Variants in SLC35F1 observed in about 807,000 individuals in gnomAD.
SLC35F1 encodes the protein chromosome 6 open reading frame 169.
SLC35F1 carries 14 observed loss-of-function variants against 48.7 expected under a neutral mutation model. The ratio of observed to expected loss-of-function variants is 0.29; its 90% CI spans 0.19 to 0.45. The LOEUF is 0.45. Among genes scored for constraint, SLC35F1 ranks in the 20% least tolerant of loss-of-function variants. SLC35F1 has a pLI of 1.00. For synonymous variants in SLC35F1, 190 were observed against 202.2 expected (o/e 0.94, Z 0.51); for missense variants, 404 against 500.0 (o/e 0.81, Z 1.83).
chr6:117,956,979 A>G (rs1776435970), intron 1 of SLC35F1, among the ~76,000 whole-genome samples: 1 of 152,224 alleles, frequency 6.6e-6, no homozygotes. Context: ...ACTTTGGTCC[A>G]TGGAGCAATA....
chr6:118,201,162 C>T (rs1293508065), intron 2 of SLC35F1, among the ~76,000 whole-genome samples: 1 of 152,120 alleles, frequency 6.6e-6, no homozygotes, highest in Non-Finnish European at 1.5e-5. Flanking sequence ...ATTCTATTGG[C>T]AGAGGGGGTG....
At chr6:118,294,592 T>C (rs1776161593) in intron 7 of SLC35F1, among the ~76,000 whole-genome samples, 1 of 152,216 alleles carries the variant, frequency 6.6e-6, no homozygotes, top group African/African-American at 2.4e-5. Context: ...CATGTTATTT[T>C]CGTAACTTTA....
intron 1 of SLC35F1, among the ~76,000 whole-genome samples, chr6:118,050,336 G>A (rs1314501140): frequency 1.3e-5 from 2 of 150,872 alleles, no homozygotes; most frequent in Non-Finnish European, 1.5e-5. Context: ...TGCACATTGT[G>A]CGCATGTACC....
At chr6:118,150,138 G>A (rs983845058) in intron 1 of SLC35F1, among the ~76,000 whole-genome samples, 4 of 152,096 alleles carry the variant, frequency 2.6e-5, no homozygotes, top group African/African-American at 7.2e-5. Flanking sequence ...CTATAAAATC[G>A]AACAGTAATA....
Position 117,958,699 on chromosome 6 carries a change from G to A in SLC35F1, c.173+50800G>A, listed in dbSNP as rs111251771. Reference sequence around the variant, plus strand: ...GGTGTGCAGTAAGCTATGCCATCTCGGTTTATGTAAGTACATTCTATGATG... The same window carrying A: ...GGTGTGCAGTAAGCTATGCCATCTCAGTTTATGTAAGTACATTCTATGATG... On this transcript the variant is annotated intron_variant, in intron 1 of 7. Transcript: ENST00000360388. 6.4e-3 allele frequency among the ~76,000 whole-genome samples: 972 copies of A among 152,218 alleles called. 9 individuals are homozygous for A. Among genetic ancestry groups the A allele is most frequent in the African/African-American group, 0.022 (917 of 41,522 alleles).
intron 2 of SLC35F1, among the ~76,000 whole-genome samples, chr6:118,199,796 A>G (rs761542237): frequency 5.3e-5 from 8 of 152,182 alleles, no homozygotes; most frequent in Non-Finnish European, 1.0e-4. Context: ...TTCTATCTTT[A>G]TGAAGTCATA....
At chr6:117,933,689 G>A (rs957465842) in intron 1 of SLC35F1, among the ~76,000 whole-genome samples, 3 of 152,174 alleles carry the variant, frequency 2.0e-5, no homozygotes, top group African/African-American at 4.8e-5. Flanking sequence ...CTTCCCACTG[G>A]TGAGTGCCAG....
chr6:118,168,903 C>T (rs1384488094), intron 2 of SLC35F1, among the ~76,000 whole-genome samples: 1 of 152,162 alleles, frequency 6.6e-6, no homozygotes, highest in East Asian at 1.9e-4. Flanking sequence ...TGGGCTTTAT[C>T]CTAGTATCTG....
intron 2 of SLC35F1, among the ~76,000 whole-genome samples, chr6:118,206,206 G>A (rs1033714828): frequency 1.3e-5 from 2 of 152,160 alleles, no homozygotes; most frequent in African/African-American, 4.8e-5. Flanking sequence ...TTAAAAGAAA[G>A]AAAACAGCCA....
chr6:118,114,394 T>A (rs566932606), intron 1 of SLC35F1, among the ~76,000 whole-genome samples: 60 of 152,204 alleles, frequency 3.9e-4, no homozygotes, highest in Non-Finnish European at 7.8e-4. Flanking sequence ...CTGTACTGTG[T>A]TCTTTAGCTT....
intron 1 of SLC35F1, among the ~76,000 whole-genome samples, chr6:118,035,713 G>A (rs1341107588): frequency 2.1e-4 from 24 of 111,852 alleles, no homozygotes; most frequent in African/African-American, 4.9e-4. Context: ...TTTTTGAGAC[G>A]GAGTCTCGCT....
intron 1 of SLC35F1, among the ~76,000 whole-genome samples, chr6:118,048,870 G>T (rs1224888349): frequency 6.6e-6 from 1 of 152,052 alleles, no homozygotes; most frequent in Non-Finnish European, 1.5e-5. Context: ...CTACTTTAAA[G>T]TTCATATGGA....
chr6:117,910,460 C>T (rs928767986), intron 1 of SLC35F1, among the ~76,000 whole-genome samples: 2 of 152,236 alleles, frequency 1.3e-5, no homozygotes, highest in Non-Finnish European at 2.9e-5. Context: ...CTGAATACTT[C>T]ACCCACATTG....
chr6:118,245,214 A>G (rs1775492055), intron 3 of SLC35F1, among the ~76,000 whole-genome samples: 2 of 152,186 alleles, frequency 1.3e-5, no homozygotes, highest in African/African-American at 4.8e-5. Flanking sequence ...AACACCCTCC[A>G]CCTGGCTAAG....
Position 118,035,834 on chromosome 6 carries a change from GCC to G in SLC35F1, c.174-118605_174-118604del, listed in dbSNP as rs111877977. ...CCCCCACATAGCTGGGACTACAGGC[GCC>G]CCCCCAACCACGCCCGGCTAATTTT... On this transcript the variant is annotated intron_variant, in intron 1 of 7. Coordinates refer to ENST00000360388, the MANE Select transcript of SLC35F1 (RefSeq NM_001029858.4). 8.6e-3 allele frequency among the ~76,000 whole-genome samples: 1,153 copies of G among 133,414 alleles called. 8 individuals are homozygous for G. Among genetic ancestry groups the G allele is most frequent in the Non-Finnish European group, 0.015 (916 of 59,864 alleles). 87.5% of individuals were successfully genotyped at this position (133,414 alleles called of 152,430 possible).
chr6:118,061,853 G>A (rs1263363354), intron 1 of SLC35F1, among the ~76,000 whole-genome samples: 2 of 152,070 alleles, frequency 1.3e-5, no homozygotes, highest in African/African-American at 4.8e-5. Context: ...TCACAATAGA[G>A]TCTGCACTCC....
chr6:118,156,825 G>T (rs1428232336), intron 2 of SLC35F1, among the ~76,000 whole-genome samples: 2 of 152,008 alleles, frequency 1.3e-5, no homozygotes, highest in African/African-American at 4.8e-5. Flanking sequence ...TAGTCTTTGA[G>T]TTCTTGTACA....
intron 7 of SLC35F1, among the ~76,000 whole-genome samples, chr6:118,303,078 A>C (rs530634592): frequency 6.6e-6 from 1 of 152,020 alleles, no homozygotes; most frequent in East Asian, 1.9e-4. Flanking sequence ...TACTTATTTC[A>C]TTTTTTTGTC....
intron 1 of SLC35F1, among the ~76,000 whole-genome samples, chr6:118,007,937 G>A (rs1386715365): frequency 5.9e-5 from 9 of 152,080 alleles, no homozygotes; most frequent in Non-Finnish European, 1.2e-4. Context: ...GCAGCCATAC[G>A]ACTCACATCC....
Sources: allele counts gnomAD v4.1 joint callset (sites outside exome capture counted in the v4.1 genomes callset), GRCh38; gene constraint gnomAD v4.1.1; transcripts MANE v1.5; gene names NCBI Gene and HGNC (gene_info 2026-07-23, HGNC 2026-07-21).